Variants in PRPF18 observed in about 807,000 individuals in gnomAD.
PRPF18 encodes pre-mRNA-splicing factor 18.
In PRPF18, 38 loss-of-function variants were observed where a neutral mutation model predicts 46.5. The ratio of observed to expected loss-of-function variants is 0.82; its 90% confidence interval spans 0.63 to 1.07. PRPF18 has a LOEUF of 1.07. PRPF18 is among the 50% of genes least tolerant of loss of function. The pLI, the probability that PRPF18 is intolerant of heterozygous loss-of-function variation, is 0.00. For synonymous variants in PRPF18, 152 were observed against 146.7 expected, an observed-to-expected ratio of 1.04 and a Z score of -0.26; for missense variants, 263 against 410.0, an observed-to-expected ratio of 0.64 and a Z score of 3.10.
At chr10:13,654,580 A>C in the PRPF18 span, 2 of 1,001,048 alleles carry the variant, frequency 2.0e-6, no homozygotes, top group Non-Finnish European at 3.1e-6. Context: ...AGAGCTTGCG[A>C]CTTGTTGGCT....
At chr10:13,593,281 A>G (rs1349420299) in intron 1 of PRPF18, among the ~76,000 whole-genome samples, 2 of 152,224 alleles carry the variant, frequency 1.3e-5, no homozygotes, top group Admixed American at 6.5e-5. Context: ...GCAAACCAGT[A>G]AGTGAGGAAG....
intron 9 of PRPF18, among the ~76,000 whole-genome samples, chr10:13,626,912 T>C (rs921885383): frequency 2.0e-5 from 3 of 152,186 alleles, no homozygotes; most frequent in African/African-American, 4.8e-5. Context: ...TTGATGGTTC[T>C]ATATTCAAAG....
intron 2 of PRPF18, among the ~76,000 whole-genome samples, chr10:13,598,864 T>G (rs1017128021): frequency 1.3e-5 from 2 of 152,174 alleles, no homozygotes; most frequent in Non-Finnish European, 1.5e-5. Context: ...TTTTCAACTA[T>G]TTGATAAGGT....
chr10:13,613,669 T>G, intron 6 of PRPF18, 72 bp from the exon 7 acceptor site: 18 of 1,461,068 alleles, frequency 1.2e-5, no homozygotes, highest in Non-Finnish European at 1.7e-5. Context: ...TGTTTTTGTG[T>G]GCTAGAGAGC....
intron 1 of PRPF18, among the ~76,000 whole-genome samples, chr10:13,592,976 C>T (rs1166309597): frequency 6.6e-6 from 1 of 152,178 alleles, no homozygotes; most frequent in Non-Finnish European, 1.5e-5. Flanking sequence ...CACCCTTACA[C>T]AATTATTGAT....
chr10:13,636,128 C>T, the PRPF18 span, among the ~76,000 whole-genome samples: 2 of 152,090 alleles, frequency 1.3e-5, no homozygotes, highest in Admixed American at 6.5e-5. Flanking sequence ...AGTTAAAGTA[C>T]GAGATAGGTT....
the PRPF18 span, chr10:13,649,574 A>AT: frequency 2.0e-5 from 3 of 147,538 alleles, no homozygotes; most frequent in Non-Finnish European, 4.4e-5. Context: ...GTAAAGATGT[A>AT]TTTTTTCCAA....
intron 8 of PRPF18, among the ~76,000 whole-genome samples, chr10:13,615,433 A>G (rs2080325213): frequency 6.6e-6 from 1 of 152,264 alleles, no homozygotes; most frequent in South Asian, 2.1e-4. Flanking sequence ...AAAATTAGTG[A>G]TAAAAATGTA....
chr10:13,588,730 AC>A (rs1421533884), intron 1 of PRPF18, among the ~76,000 whole-genome samples: 2 of 152,176 alleles, frequency 1.3e-5, no homozygotes, highest in African/African-American at 4.8e-5. Context: ...TTGGAAAGGT[AC>A]TAAAAAGGGG....
At chr10:13,620,729 T>C (rs1195911078) in intron 9 of PRPF18, among the ~76,000 whole-genome samples, 2 of 152,234 alleles carry the variant, frequency 1.3e-5, no homozygotes, top group East Asian at 3.8e-4. Flanking sequence ...GTGAAAAATA[T>C]GTTTTATGAA....
intron 9 of PRPF18, among the ~76,000 whole-genome samples, chr10:13,628,912 G>A (rs2080551014): frequency 6.6e-6 from 1 of 152,128 alleles, no homozygotes; most frequent in Non-Finnish European, 1.5e-5. Flanking sequence ...CTCTGCCCTT[G>A]CCCTGGCCTG....
At chr10:13,612,231 A>G (rs1040833852) in intron 6 of PRPF18, among the ~76,000 whole-genome samples, 2 of 152,074 alleles carry the variant, frequency 1.3e-5, no homozygotes, top group Non-Finnish European at 2.9e-5. Flanking sequence ...GTAAACACAT[A>G]GAAAAGAATC....
chr10:13,591,800 C>G (rs1475035396), intron 1 of PRPF18: 3 of 1,443,524 alleles, frequency 2.1e-6, no homozygotes, highest in Admixed American at 1.8e-5. Flanking sequence ...GGTCCAGTCA[C>G]AAGTAACAAG....
At chr10:13,639,910 C>G in the PRPF18 span, 1 of 152,254 alleles carries the variant, frequency 6.6e-6, no homozygotes, top group African/African-American at 2.4e-5. Context: ...TTTCTAACAA[C>G]GATGGCACAG....
At chr10:13,598,931 T>A (rs11258465) in intron 2 of PRPF18, among the ~76,000 whole-genome samples, 4 of 152,288 alleles carry the variant, frequency 2.6e-5, no homozygotes, top group African/African-American at 9.6e-5. Flanking sequence ...GTTTTTTTGT[T>A]TTTATAGAGG....
At chr10:13,596,811 A>G (rs2080041456) in intron 1 of PRPF18, among the ~76,000 whole-genome samples, 1 of 152,062 alleles carries the variant, frequency 6.6e-6, no homozygotes, top group Non-Finnish European at 1.5e-5. Context: ...TGATTGTGCC[A>G]CTCCACTCCA....
In PRPF18 at chr10:13,600,284, C is replaced by T. The variant is rs141976990; in HGVS notation, c.185C>T (p.Ser62Leu). 1.3e-5 allele frequency: 21 copies of T among 1,612,250 alleles called. No homozygotes were observed. The highest frequency in any genetic ancestry group is 1.7e-5 in the Admixed American group (1 of 59,798). The change falls in exon 3 of 10, where the codon TCG becomes TTG. Residue 62 changes from serine (S) to leucine (L), a missense_variant. Physicochemically the swap from Ser to Leu is moderately radical, Grantham distance 145. Coordinates refer to ENST00000378572, the MANE Select transcript of PRPF18 (RefSeq NM_003675.4). ...GAGGACCAGAAACCATTAACTTCAT[C>T]GAATCCAGTGTTAGAACTTGAACTG... The part of the protein sequence containing the change: ...KEEDQKPLTS[S>L]NPVLELELAE...
chr10:13,650,681 G>C, the PRPF18 span, among the ~76,000 whole-genome samples: 90,610 of 151,966 alleles, frequency 0.6, 27,308 homozygotes, highest in East Asian at 0.84. Context: ...TGTCCTAATT[G>C]CCCATCTGTC....
intron 3 of PRPF18, among the ~76,000 whole-genome samples, chr10:13,605,273 T>A (rs1162504111): frequency 6.6e-6 from 1 of 152,156 alleles, no homozygotes; most frequent in Admixed American, 6.5e-5. Context: ...TTTGAGATGT[T>A]TAGTTTTTTC....
Sources: allele counts gnomAD v4.1 joint callset (sites outside exome capture counted in the v4.1 genomes callset), GRCh38; gene constraint gnomAD v4.1.1; transcripts MANE v1.5; gene names NCBI Gene and HGNC (gene_info 2026-07-23, HGNC 2026-07-21).